The following PLA2R1 variants were observed in gnomAD, a reference collection of about 807,000 sequenced individuals.
PLA2R1 encodes the protein phospholipase A2 receptor 1.
In PLA2R1, 158 loss-of-function variants were observed where a neutral mutation model predicts 195.9. The ratio of observed to expected loss-of-function variants is 0.81; its 90% CI spans 0.71 to 0.92. PLA2R1 has a LOEUF of 0.92. PLA2R1 is among the 40% of genes least tolerant of loss of function. PLA2R1 has a pLI of 0.00. For missense variants in PLA2R1, 1,626 were observed against 1,764.6 expected (o/e 0.92, Z 1.41); for synonymous variants, 586 against 598.2 (o/e 0.98, Z 0.30).
chr2:160,021,265 C>T (rs1306064193), intron 7 of PLA2R1, among the ~76,000 whole-genome samples: 1 of 152,052 alleles, frequency 6.6e-6, no homozygotes, highest in Non-Finnish European at 1.5e-5. Flanking sequence ...TCCAGCAATC[C>T]CACTACTGGG....
At chr2:160,015,825 G>A (rs912847540) in intron 9 of PLA2R1, among the ~76,000 whole-genome samples, 1 of 152,168 alleles carries the variant, frequency 6.6e-6, no homozygotes, top group Non-Finnish European at 1.5e-5. Flanking sequence ...TTGTTCAATT[G>A]CAATACAAAT....
chr2:159,924,426 T>A, the PLA2R1 span, among the ~76,000 whole-genome samples: 101,974 of 152,070 alleles, frequency 0.67, 36,578 homozygotes, highest in East Asian at 0.81. Context: ...TCTCTCTTAT[T>A]CAGATCTCAT....
At chr2:160,055,232 G>A (rs1254571219) in intron 1 of PLA2R1, among the ~76,000 whole-genome samples, 1 of 152,190 alleles carries the variant, frequency 6.6e-6, no homozygotes, top group African/African-American at 2.4e-5. Flanking sequence ...GGCAGAGAAG[G>A]TAGGATGAGA....
chr2:160,062,314 C>G lies in PLA2R1; in HGVS notation c.90G>C (p.Glu30Asp). 1 of 1,518,462 alleles carries G rather than the reference C, an allele frequency of 6.6e-7. No homozygotes were observed. The highest frequency in any genetic ancestry group is 1.4e-5 in the African/African-American group (1 of 69,624). 94.1% of individuals were successfully genotyped at this position (1,518,462 alleles called of 1,614,324 possible). Residue 30 changes from glutamate (E) to aspartate (D), a missense_variant, in exon 1 of 30, where the codon GAG (glutamate) becomes GAC (aspartate). Glu to Asp is a conservative substitution (Grantham distance 45). Coordinates refer to ENST00000283243, the MANE Select transcript of PLA2R1 (RefSeq NM_007366.5). ...ACTCACCCTGCCACTCCAGGAGCCG[C>G]TCGGGGGTAAGCGCCGCCGCCACAC... ...AEGVAAALTPERLLEWQDKGI... is the reference protein window; with the variant it reads ...AEGVAAALTPDRLLEWQDKGI...
intron 15 of PLA2R1, 107 bp from the exon 16 acceptor site, chr2:159,976,827 A>T (rs1376360966): frequency 2.4e-6 from 2 of 835,550 alleles, no homozygotes; most frequent in Non-Finnish European, 4.1e-6. Context: ...CTTTTAAAAC[A>T]TCACTTTAAA....
intron 4 of PLA2R1, among the ~76,000 whole-genome samples, chr2:160,031,941 A>T (rs1369135896): frequency 6.6e-6 from 1 of 152,032 alleles, no homozygotes; most frequent in Non-Finnish European, 1.5e-5. Context: ...AAATTTTTGT[A>T]TTTTTAGTAG....
At chr2:160,026,946 C>T (rs1424819961) in intron 6 of PLA2R1, among the ~76,000 whole-genome samples, 1 of 152,106 alleles carries the variant, frequency 6.6e-6, no homozygotes, top group East Asian at 1.9e-4. Context: ...CCAGCCTGGC[C>T]AACATGGTGA....
At chr2:159,945,121 T>TG in intron 27 of PLA2R1, 39 bp from the exon 28 acceptor site, 6 of 1,471,830 alleles carry the variant, frequency 4.1e-6, no homozygotes, top group Non-Finnish European at 5.6e-6. Context: ...ATTATGTGCA[T>TG]GGTTATCAAA....
chr2:159,963,500 T>C (rs558866734), intron 20 of PLA2R1, among the ~76,000 whole-genome samples: 3 of 152,134 alleles, frequency 2.0e-5, no homozygotes, highest in Non-Finnish European at 4.4e-5. Context: ...TTGGATGGGG[T>C]TTAATATTTA....
chr2:159,974,830 T>C (rs1163221944), intron 17 of PLA2R1, among the ~76,000 whole-genome samples: 1 of 152,174 alleles, frequency 6.6e-6, no homozygotes, highest in African/African-American at 2.4e-5. Context: ...CTGACCTGCT[T>C]GTACCTCATG....
At chr2:159,946,947 T>C in intron 26 of PLA2R1, 30 bp from the exon 27 acceptor site, 1 of 1,371,070 alleles carries the variant, frequency 7.3e-7, no homozygotes, top group African/African-American at 1.5e-5. Flanking sequence ...CAAAGGAATA[T>C]TTGTGTTTAC....
chr2:160,043,974 A>T (rs1279115963), intron 2 of PLA2R1, among the ~76,000 whole-genome samples: 1 of 152,188 alleles, frequency 6.6e-6, no homozygotes, highest in African/African-American at 2.4e-5. Context: ...CCAGGTGCCT[A>T]GTCCAGTGCC....
At chr2:159,953,668 C>A (rs1460367791) in intron 23 of PLA2R1, among the ~76,000 whole-genome samples, 1 of 152,286 alleles carries the variant, frequency 6.6e-6, no homozygotes. Context: ...TCTCAATCAC[C>A]ACTATTCTGT....
chr2:159,941,712 C>T lies in PLA2R1; in HGVS notation c.*66G>A. 1.2e-6 allele frequency: 1 copy of T among 811,512 alleles called. No homozygotes were observed. The highest frequency in any genetic ancestry group is 2.6e-5 in the East Asian group (1 of 39,204). The allele number at this position is 811,512 out of a possible 1,614,324, so 50.3% of individuals were successfully genotyped here. Reference sequence around the variant, plus strand: ...GGCATCTGTGCTGTAAAGGGAAAGACAGATGAGACTCCTGTTTAGTCTTCT... The same window carrying T: ...GGCATCTGTGCTGTAAAGGGAAAGATAGATGAGACTCCTGTTTAGTCTTCT... On this transcript the variant is annotated 3_prime_UTR_variant, in exon 30 of 30. Coordinates refer to ENST00000283243, the MANE Select transcript of PLA2R1 (RefSeq NM_007366.5).
chr2:160,020,861 AT>A (rs1279568982), intron 7 of PLA2R1, among the ~76,000 whole-genome samples: 1 of 152,190 alleles, frequency 6.6e-6, no homozygotes, highest in Non-Finnish European at 1.5e-5. Context: ...TCCCCATAAT[AT>A]CCAGATCTGC....
intron 1 of PLA2R1, among the ~76,000 whole-genome samples, chr2:160,046,413 C>A (rs73968003): frequency 0.037 from 5,648 of 152,216 alleles, 319 homozygotes; most frequent in African/African-American, 0.12. Context: ...TAATGGAGGG[C>A]AGAACAGGTA....
Position 159,979,891 on chromosome 2 carries a change from A to G in PLA2R1, c.2207T>C (p.Ile736Thr), listed in dbSNP as rs1375701456. 12 of 1,605,308 alleles carry G rather than the reference A, an allele frequency of 7.5e-6. No homozygotes were observed. The highest frequency in any genetic ancestry group is 1.0e-5 in the Non-Finnish European group (12 of 1,172,502). The change falls in exon 14 of 30, where the codon ATT becomes ACT. Residue 736 changes from isoleucine (I) to threonine (T), a missense_variant. Coordinates refer to ENST00000283243, the MANE Select transcript of PLA2R1 (RefSeq NM_007366.5). ...FNWTEERQFW[I>T]GFNKRNPLNA... ...CAGTGGGTTTCTTTTATTAAATCCA[A>G]TCCAGAACTGCCTTTCTTCTGTCCT... is the stretch of plus-strand genomic sequence containing the variant.
intron 27 of PLA2R1, 130 bp downstream of exon 27, chr2:159,946,671 C>T: frequency 7.0e-7 from 1 of 1,426,002 alleles, no homozygotes; most frequent in Non-Finnish European, 9.2e-7. Flanking sequence ...GAAGAAATGG[C>T]TTTAGGCTTC....
intron 19 of PLA2R1, 72 bp from the exon 20 acceptor site, chr2:159,967,750 C>G: frequency 7.9e-7 from 1 of 1,269,312 alleles, no homozygotes; most frequent in East Asian, 2.4e-5. Context: ...CTATTGATCA[C>G]TATTTTTATG....
Sources: allele counts gnomAD v4.1 joint callset (sites outside exome capture counted in the v4.1 genomes callset), GRCh38; gene constraint gnomAD v4.1.1; transcripts MANE v1.5; gene names NCBI Gene and HGNC (gene_info 2026-07-23, HGNC 2026-07-21).